LRRC7: variants seen among roughly 807,000 people sequenced by gnomAD.
LRRC7 encodes leucine rich repeat containing 7, also known as leucine-rich repeat-containing protein 7.
In LRRC7, 23 loss-of-function variants were observed where a neutral mutation model predicts 175.7. The ratio of observed to expected loss-of-function variants is 0.13; its 90% CI spans 0.09 to 0.19. The LOEUF is 0.19. Among genes scored for constraint, LRRC7 ranks in the 10% least tolerant of loss-of-function variants. The pLI is 1.00. For missense variants in LRRC7, 1,354 were observed against 1,904.7 expected, an observed-to-expected ratio of 0.71 and a Z score of 5.38; for synonymous variants, 685 against 680.9, an observed-to-expected ratio of 1.01 and a Z score of -0.09.
chr1:70,040,889 A>C (rs577970358), intron 21 of LRRC7, among the ~76,000 whole-genome samples: 1 of 152,132 alleles, frequency 6.6e-6, no homozygotes, highest in Non-Finnish European at 1.5e-5. Flanking sequence ...AAAAAATCAT[A>C]TGATGCCTAG....
intron 2 of LRRC7, among the ~76,000 whole-genome samples, chr1:69,686,998 C>T (rs1661228136): frequency 6.6e-6 from 1 of 151,988 alleles, no homozygotes; most frequent in African/African-American, 2.4e-5. Context: ...AAACATATTA[C>T]AAGGGATAAA....
At chr1:69,650,717 C>T (rs1268774217) in intron 1 of LRRC7, among the ~76,000 whole-genome samples, 23 of 70,152 alleles carry the variant, frequency 3.3e-4, no homozygotes, top group Non-Finnish European at 5.2e-4. Flanking sequence ...CCATAGCTTC[C>T]TAAACAAAAT....
At chr1:69,663,139 AT>A (rs910743013) in intron 1 of LRRC7, among the ~76,000 whole-genome samples, 130 of 152,024 alleles carry the variant, frequency 8.6e-4, no homozygotes, top group African/African-American at 2.9e-3. Context: ...TCCTACTTTC[AT>A]TTTTAATTCC....
intron 4 of LRRC7, among the ~76,000 whole-genome samples, chr1:69,807,064 C>T (rs564271069): frequency 2.6e-5 from 4 of 152,168 alleles, no homozygotes; most frequent in Admixed American, 1.3e-4. Context: ...CCTTCTTTGT[C>T]TCTTTTGATC....
chr1:69,642,858 T>TC (rs1557532418), intron 1 of LRRC7, among the ~76,000 whole-genome samples: 1 of 87,456 alleles, frequency 1.1e-5, no homozygotes, highest in Non-Finnish European at 2.5e-5. Flanking sequence ...ATAGATAGAT[T>TC]ATACGATTGA....
At chr1:69,802,442 T>C (rs949710954) in intron 4 of LRRC7, among the ~76,000 whole-genome samples, 2 of 151,438 alleles carry the variant, frequency 1.3e-5, no homozygotes, top group African/African-American at 4.8e-5. Context: ...TCTTCTTCTA[T>C]AATTGATTCC....
intron 4 of LRRC7, among the ~76,000 whole-genome samples, chr1:69,809,818 C>G (rs952926227): frequency 2.6e-5 from 4 of 151,714 alleles, no homozygotes; most frequent in Admixed American, 2.6e-4. Context: ...AGCCATTATA[C>G]TGAATGGGCA....
At chr1:69,671,869 C>T (rs528854715) in intron 1 of LRRC7, among the ~76,000 whole-genome samples, 2 of 152,272 alleles carry the variant, frequency 1.3e-5, no homozygotes, top group East Asian at 3.9e-4. Flanking sequence ...CATGTGGCCG[C>T]TGCTGGGGGA....
intron 8 of LRRC7, among the ~76,000 whole-genome samples, chr1:69,965,082 G>T (rs1373474850): frequency 1.3e-5 from 2 of 152,184 alleles, no homozygotes; most frequent in African/African-American, 4.8e-5. Flanking sequence ...GCATGGAGTA[G>T]GTTGTAATTC....
intron 26 of LRRC7, 22 bp downstream of exon 26, chr1:70,107,848 C>T: frequency 6.4e-7 from 1 of 1,568,854 alleles, no homozygotes. Context: ...AAAAGAAATG[C>T]ATGCAAATGC....
intron 7 of LRRC7, among the ~76,000 whole-genome samples, chr1:69,850,230 A>G (rs1682826306): frequency 1.3e-5 from 2 of 152,234 alleles, no homozygotes; most frequent in South Asian, 4.1e-4. Context: ...AATCAGGTGT[A>G]CAAAACTTGT....
intron 7 of LRRC7, among the ~76,000 whole-genome samples, chr1:69,876,315 AT>A (rs1396506745): frequency 6.6e-6 from 1 of 152,106 alleles, no homozygotes; most frequent in Non-Finnish European, 1.5e-5. Context: ...AAAAATTATG[AT>A]TATTTTATCA....
intron 4 of LRRC7, among the ~76,000 whole-genome samples, chr1:69,803,002 C>A (rs145693037): frequency 6.6e-6 from 1 of 151,202 alleles, no homozygotes; most frequent in Non-Finnish European, 1.5e-5. Flanking sequence ...GAATAGATGA[C>A]TGATTGTTTC....
intron 7 of LRRC7, among the ~76,000 whole-genome samples, chr1:69,850,211 AAAGAAGAAAATCAGGTGT>A (rs1682824061): frequency 6.6e-6 from 1 of 152,084 alleles, no homozygotes; most frequent in Non-Finnish European, 1.5e-5. Context: ...CCAAAGAAAA[AAAGAAGAAAATCAGGTGT>A]ACAAAACTTG....
At chr1:69,570,169 C>G (rs1245719950) in intron 1 of LRRC7, among the ~76,000 whole-genome samples, 1 of 151,904 alleles carries the variant, frequency 6.6e-6, no homozygotes, top group African/African-American at 2.4e-5. Flanking sequence ...ATAGCGTGGG[C>G]GAGAAGAGTG....
rs1671720587 is a variant in LRRC7, at chr1:69,767,227, A to T, written c.303+6834A>T. On this transcript the variant is annotated intron_variant, in intron 3 of 26. Transcript: ENST00000651989. Reference sequence around the variant, plus strand: ...ACTTCATTCCTTTTTATTGACAAATAATGTTCCTTTGTATGATTATACCGT... The same window carrying T: ...ACTTCATTCCTTTTTATTGACAAATTATGTTCCTTTGTATGATTATACCGT... 2.0e-5 allele frequency among the ~76,000 whole-genome samples: 3 copies of T among 152,156 alleles called. No homozygotes were observed. The South Asian group carries it at 6.2e-4, about 32-fold the overall frequency.
In LRRC7 at chr1:70,135,388, G is replaced by GGTAAAGAT. The variant is rs1666825631; in HGVS notation, c.*13515_*13522dup. Among the ~76,000 whole-genome samples, 1 of 152,056 alleles carries GGTAAAGAT rather than the reference G, an allele frequency of 6.6e-6. No homozygotes were observed. The highest frequency in any genetic ancestry group is 2.4e-5 in the African/African-American group (1 of 41,372). On this transcript the variant is annotated 3_prime_UTR_variant, in exon 27 of 27. Transcript: ENST00000651989. ...CATCATTTTTTTAGTTCTGTCATGAGGTAAAGATGTAAAGATGTAAAAAGC... is the reference window on the plus strand; with the variant it reads ...CATCATTTTTTTAGTTCTGTCATGAGGTAAAGATGTAAAGATGTAAAGATGTAAAAAGC...
rs185263408 is a variant in LRRC7, at chr1:69,633,992, T to G, written c.3-44389T>G. On this transcript the variant is annotated intron_variant, in intron 1 of 26. Coordinates refer to ENST00000651989, the MANE Select transcript of LRRC7 (RefSeq NM_001370785.2). The stretch of plus-strand genomic sequence containing the variant: ...TAAATAGCTTATAGTTGTACTTTGT[T>G]TTCTGATCCAGTCTGAGTCTTTTCA... 2.7e-3 allele frequency among the ~76,000 whole-genome samples: 412 copies of G among 152,236 alleles called. 3 individuals carry two copies. Among genetic ancestry groups the G allele is most frequent in the Non-Finnish European group, 4.3e-3 (293 of 68,004 alleles).
chr1:69,853,467 T>C (rs952876042), intron 7 of LRRC7, among the ~76,000 whole-genome samples: 5 of 151,868 alleles, frequency 3.3e-5, no homozygotes, highest in African/African-American at 4.8e-5. Flanking sequence ...TTAGTAGAGA[T>C]GGGGTTTCAC....
Sources: allele counts gnomAD v4.1 joint callset (sites outside exome capture counted in the v4.1 genomes callset), GRCh38; gene constraint gnomAD v4.1.1; transcripts MANE v1.5; gene names NCBI Gene and HGNC (gene_info 2026-07-23, HGNC 2026-07-21).